The following FCGR1A variants were observed in gnomAD, a reference collection of about 807,000 sequenced individuals.
The protein encoded by FCGR1A is high affinity immunoglobulin gamma Fc receptor I.
A neutral mutation model predicts 35.0 loss-of-function variants in FCGR1A; 13 were observed. That is an observed-to-expected ratio of 0.37 (90% CI 0.24 to 0.59). The LOEUF (loss-of-function observed/expected upper bound fraction) is 0.59. FCGR1A is among the 20% of genes least tolerant of loss of function. FCGR1A has a pLI of 0.71. For synonymous variants in FCGR1A, 91 were observed against 164.7 expected (o/e 0.55, Z 3.43); for missense variants, 227 against 430.0 (o/e 0.53, Z 4.17).
At chr1:149,790,977 A>G (rs1284610916) in intron 5 of FCGR1A, among the ~76,000 whole-genome samples, 6 of 151,448 alleles carry the variant, frequency 4.0e-5, no homozygotes, top group Non-Finnish European at 7.4e-5. Context: ...TGGCACAGAG[A>G]TATCAGTTGT....
chr1:149,792,654 T>C (rs1402387716), downstream of FCGR1A: 1 of 1,276,486 alleles, frequency 7.8e-7, no homozygotes, highest in Non-Finnish European at 1.0e-6. Flanking sequence ...TCCGCCTGTA[T>C]CTGGGGGCCG....
At chr1:149,785,134 C>T (rs2091506821) in intron 3 of FCGR1A, among the ~76,000 whole-genome samples, 2 of 152,134 alleles carry the variant, frequency 1.3e-5, no homozygotes, top group Non-Finnish European at 2.9e-5. Flanking sequence ...AAAAATGCTT[C>T]ATTCAATATG....
chr1:149,793,553 A>AGGGGTGGT (rs2091764052), downstream of FCGR1A, among the ~76,000 whole-genome samples: 2 of 151,898 alleles, frequency 1.3e-5, no homozygotes, highest in Admixed American at 1.3e-4. Context: ...TCGGACTTAG[A>AGGGGTGGT]GGGGTGGTGG....
chr1:149,784,700 C>CTA lies in FCGR1A; in HGVS notation c.307+462_307+463dup, dbSNP rs34346480. Among the ~76,000 whole-genome samples, 163 of 146,146 alleles carry CTA rather than the reference C, an allele frequency of 1.1e-3. 1 individual carries two copies. Among genetic ancestry groups the CTA allele is most frequent in the Middle Eastern group, 3.6e-3 (1 of 278 alleles). On this transcript the variant is annotated intron_variant, in intron 3 of 5. Coordinates refer to ENST00000369168, the MANE Select transcript of FCGR1A (RefSeq NM_000566.4). ...ATATATTAGCATTATTATATATAAA[C>CTA]TATATATATATATATATATACACAC... is the stretch of plus-strand genomic sequence containing the variant.
chr1:149,785,708 T>C (rs1298847249), intron 3 of FCGR1A: 6 of 152,160 alleles, frequency 3.9e-5, no homozygotes, highest in African/African-American at 1.4e-4. Flanking sequence ...ATATAACTTA[T>C]GTACAACAAG....
At chr1:149,793,352 G>C, downstream of FCGR1A, 1 of 1,141,512 alleles carries the variant, frequency 8.8e-7, no homozygotes, top group Non-Finnish European at 1.1e-6. Context: ...GAAGGGAGCT[G>C]GCTCGGCGGG....
chr1:149,795,809 CA>C (rs2091794300), downstream of FCGR1A, among the ~76,000 whole-genome samples: 1 of 151,844 alleles, frequency 6.6e-6, no homozygotes, highest in South Asian at 2.1e-4. Context: ...TTTTTAGATG[CA>C]AACCTGCTGA....
chr1:149,791,186 C>A lies in FCGR1A; in HGVS notation c.845-51C>A. ...CCCTTCCAAACATAACTCAGCTAGA[C>A]CCCTCTGGTCTCTAAATAGTATCTC... is the stretch of plus-strand genomic sequence containing the variant. On this transcript the variant is annotated intron_variant, in intron 5 of 5. Transcript: ENST00000369168. The A allele has an allele frequency of 9.3e-6, 15 of 1,605,614 alleles. 1 individual carries two copies. Among genetic ancestry groups the A allele is most frequent in the Non-Finnish European group, 1.3e-5 (15 of 1,177,078 alleles).
intron 5 of FCGR1A, among the ~76,000 whole-genome samples, chr1:149,790,568 A>G (rs587669826): frequency 6.9e-6 from 1 of 145,928 alleles, no homozygotes; most frequent in African/African-American, 2.5e-5. Context: ...TCCTTCCTCC[A>G]TTTCTTTCCT....
chr1:149,791,188 C>T, intron 5 of FCGR1A, 49 bp from the exon 6 acceptor site: 1 of 1,605,636 alleles, frequency 6.2e-7, no homozygotes, highest in Non-Finnish European at 8.5e-7. Flanking sequence ...CAGCTAGACC[C>T]CTCTGGTCTC....
chr1:149,800,246 G>A, the FCGR1A span, among the ~76,000 whole-genome samples: 12 of 152,186 alleles, frequency 7.9e-5, no homozygotes, highest in East Asian at 1.9e-4. Flanking sequence ...TGGGTGCGCC[G>A]CCCTTCAGGA....
chr1:149,784,822 T>C (rs1293254941), intron 3 of FCGR1A, among the ~76,000 whole-genome samples: 9 of 151,884 alleles, frequency 5.9e-5, no homozygotes, highest in Admixed American at 1.3e-4. Context: ...GTTCTGTTTA[T>C]ATTAATAGAA....
chr1:149,786,684 G>A (rs2102039260), intron 3 of FCGR1A: 1 of 152,240 alleles, frequency 6.6e-6, no homozygotes, highest in Middle Eastern at 3.4e-3. Flanking sequence ...AGTAATGTCT[G>A]CTAAAAGCTG....
At chr1:149,792,704 G>T, downstream of FCGR1A, 1 of 1,283,274 alleles carries the variant, frequency 7.8e-7, no homozygotes, top group Non-Finnish European at 1.0e-6. Flanking sequence ...GGCGAAAGCT[G>T]TTGGGCGCGC....
chr1:149,784,643 A>AATATATATATACATATTATGC (rs2091491078), intron 3 of FCGR1A, among the ~76,000 whole-genome samples: 1 of 149,876 alleles, frequency 6.7e-6, no homozygotes, highest in Admixed American at 6.7e-5. Flanking sequence ...CAAAACTGCT[A>AATATATATATACATATTATGC]ATATATATAT....
chr1:149,793,198 A>G (rs2091756726), downstream of FCGR1A: 1 of 1,277,586 alleles, frequency 7.8e-7, no homozygotes. Context: ...GGCTCCCAGC[A>G]GGCGCCCCAT....
rs782689890 is a variant in FCGR1A at position 149,784,250 on chromosome 1, C to T, written c.300C>T (p.Ile100=). ...GAAGTGACCCCATACAGCTGGAAAT[C>T]CACAGAGGTAATTATGACTTGGACC... ...SGRSDPIQLE[I]HRGWLLLQVS... is the part of the protein sequence containing the mutation. Residue 100 remains isoleucine, a synonymous_variant, in exon 3 of 6, where the codon ATC becomes ATT. Coordinates refer to ENST00000369168, the MANE Select transcript of FCGR1A (RefSeq NM_000566.4). 6.2e-7 allele frequency: 1 copy of T among 1,610,890 alleles called. No individual in the cohort carries two copies. The highest frequency in any genetic ancestry group is 1.4e-5 in the African/African-American group (1 of 73,988).
At chr1:149,784,700 CT>C (rs2091493479) in intron 3 of FCGR1A, among the ~76,000 whole-genome samples, 1 of 146,222 alleles carries the variant, frequency 6.8e-6, no homozygotes, top group Non-Finnish European at 1.5e-5. Context: ...TATATATAAA[CT>C]ATATATATAT....
At position 149,788,470 on chromosome 1, in the gene FCGR1A, T is replaced by C; in HGVS notation, c.412T>C (p.Tyr138His). 4 of 1,613,746 alleles carry C rather than the reference T, an allele frequency of 2.5e-6. No individual in the cohort carries two copies. Among genetic ancestry groups the C allele is most frequent in the Non-Finnish European group, 3.4e-6 (4 of 1,179,752 alleles). ...TAAGCTGGTGTACAATGTGCTTTAC[T>C]ATCGAAATGGCAAAGCCTTTAAGTT... ...KDKLVYNVLY[Y>H]RNGKAFKFFH... The change falls in exon 4 of 6, where the codon TAT becomes CAT. Residue 138 changes from tyrosine (Y) to histidine (H), a missense_variant. Transcript: ENST00000369168.
Sources: allele counts gnomAD v4.1 joint callset (sites outside exome capture counted in the v4.1 genomes callset), GRCh38; gene constraint gnomAD v4.1.1; transcripts MANE v1.5; gene names NCBI Gene and HGNC (gene_info 2026-07-23, HGNC 2026-07-21).